The following UGT2B7 variants were observed in gnomAD, a reference collection of about 807,000 sequenced individuals.
UGT2B7 encodes the protein UDP glucuronosyltransferase family 2 member B7, also known as UDP-glucuronosyltransferase 2B7.
UGT2B7 carries 51 observed loss-of-function variants against 51.9 expected under a neutral mutation model. The observed-to-expected ratio is 0.98, with a 90% CI of 0.78 to 1.24. UGT2B7 has a LOEUF of 1.24. Ranked by LOEUF, UGT2B7 falls within the 50% of genes most tolerant of loss-of-function variation. UGT2B7 has a pLI of 0.00. For synonymous variants in UGT2B7, 225 were observed against 211.6 expected, an observed-to-expected ratio of 1.06 and a Z score of -0.55; for missense variants, 727 against 628.4, an observed-to-expected ratio of 1.16 and a Z score of -1.68.
intron 1 of UGT2B7, among the ~76,000 whole-genome samples, chr4:69,085,651 A>G (rs1718936726): frequency 6.6e-6 from 1 of 151,794 alleles, no homozygotes; most frequent in Non-Finnish European, 1.5e-5. Context: ...CTATCAGTTC[A>G]TGGTTTTTTG....
At position 69,108,284 on chromosome 4, in the gene UGT2B7, C is replaced by T. The variant is rs1719673119; in HGVS notation, c.1272C>T (p.Asp424=). ...RVDFNTMSST[D]LLNALKRVIN... ...ACTTCAACACAATGTCGAGTACAGA[C>T]TTGCTGAATGCATTGAAGAGAGTAA... is the stretch of plus-strand genomic sequence containing the variant. Residue 424 remains aspartate (D), a synonymous_variant, in exon 5 of 6, where the codon GAC becomes GAT. Transcript: ENST00000305231. 6.2e-7 allele frequency: 1 copy of T among 1,613,448 alleles called. No homozygotes were observed. Among genetic ancestry groups the T allele is most frequent in the Non-Finnish European group, 8.5e-7 (1 of 1,179,612 alleles).
At chr4:69,081,669 C>T (rs1424186572) in intron 1 of UGT2B7, among the ~76,000 whole-genome samples, 3 of 152,198 alleles carry the variant, frequency 2.0e-5, no homozygotes, top group South Asian at 4.1e-4. Flanking sequence ...CCTTTAGCCA[C>T]TCTGTCTAGA....
chr4:69,096,669 G>T lies in UGT2B7; in HGVS notation c.149G>T (p.Gly50Val). The change falls in exon 1 of 6, where the codon GGT (glycine) becomes GTT (valine). Residue 50 changes from glycine (G) to valine (V), a missense_variant. Transcript: ENST00000305231. ...KTILDELIQR[G>V]HEVTVLASSA... is the part of the protein sequence containing the mutation. ...ATCCTGGATGAGCTTATTCAGAGAG[G>T]TCATGAGGTGACTGTACTGGCATCT... 2 of 1,614,000 alleles carry T rather than the reference G, an allele frequency of 1.2e-6. No individual in the cohort carries two copies. Among genetic ancestry groups the T allele is most frequent in the Non-Finnish European group, 1.7e-6 (2 of 1,179,934 alleles).
At chr4:69,100,350 C>A (rs966697827) in intron 2 of UGT2B7, among the ~76,000 whole-genome samples, 1 of 151,872 alleles carries the variant, frequency 6.6e-6, no homozygotes, top group Non-Finnish European at 1.5e-5. Context: ...TGAAGGAACA[C>A]AATAAACTCA....
chr4:69,087,586 A>T (rs548927502), intron 1 of UGT2B7, among the ~76,000 whole-genome samples: 12 of 151,948 alleles, frequency 7.9e-5, no homozygotes, highest in African/African-American at 2.9e-4. Flanking sequence ...CTTTCCAATA[A>T]AACAATTCTC....
Position 69,112,648 on chromosome 4 carries a change from T to A in UGT2B7, c.1502T>A (p.Val501Glu). Residue 501 changes from valine (V) to glutamate (E), a missense_variant, in exon 6 of 6, where the codon GTG becomes GAG. Transcript: ENST00000305231. ...GTGATTGGGTTCCTGCTGGTCTGTG[T>A]GGCAACTGTGATATTTATCGTCACA... ...LDVIGFLLVC[V>E]ATVIFIVTKC... 1 of 1,613,960 alleles carries A rather than the reference T, an allele frequency of 6.2e-7. No homozygotes were observed. Among genetic ancestry groups the A allele is most frequent in the Non-Finnish European group, 8.5e-7 (1 of 1,179,876 alleles).
At chr4:69,103,424 T>A (rs1719491794) in intron 3 of UGT2B7, among the ~76,000 whole-genome samples, 1 of 152,084 alleles carries the variant, frequency 6.6e-6, no homozygotes, top group Non-Finnish European at 1.5e-5. Flanking sequence ...TTAGCATCAG[T>A]GGGAACTCAG....
rs1300063360 is a variant in UGT2B7 at position 69,097,447 on chromosome 4, C to T, written c.721+206C>T. ...GTTAAAACCCTGTGGCCATCACTCA[C>T]ACAGAACACCCCAGGAAATCATAAA... On this transcript the variant is annotated intron_variant, in intron 1 of 5. Transcript: ENST00000305231. Among the ~76,000 whole-genome samples the T allele has an allele frequency of 6.6e-6, 1 of 152,062 alleles. No homozygotes were observed. Among genetic ancestry groups the T allele is most frequent in the Non-Finnish European group, 1.5e-5 (1 of 67,972 alleles).
intron 5 of UGT2B7, 50 bp from the exon 6 acceptor site, chr4:69,112,407 T>A: frequency 6.3e-7 from 1 of 1,576,890 alleles, no homozygotes; most frequent in East Asian, 2.2e-5. Flanking sequence ...CTGAGGGGTT[T>A]TGTCTGTAAC....
At chr4:69,082,571 C>G (rs1387268030) in intron 1 of UGT2B7, among the ~76,000 whole-genome samples, 3 of 151,974 alleles carry the variant, frequency 2.0e-5, no homozygotes, top group Admixed American at 6.6e-5. Context: ...TAATCCAGAG[C>G]AAGACCCTAC....
At chr4:69,064,241 G>C (rs528147205) in intron 1 of UGT2B7, among the ~76,000 whole-genome samples, 3 of 152,286 alleles carry the variant, frequency 2.0e-5, no homozygotes, top group East Asian at 3.9e-4. Flanking sequence ...TGATACTACT[G>C]TCTAAAAAGC....
intron 2 of UGT2B7, 128 bp downstream of exon 2, chr4:69,098,816 T>G: frequency 1.4e-6 from 2 of 1,477,590 alleles, no homozygotes; most frequent in Non-Finnish European, 1.8e-6. Flanking sequence ...GTAAAGCAGA[T>G]ACCAATTAGA....
chr4:69,087,116 GTCTC>G (rs1215477701), intron 1 of UGT2B7, among the ~76,000 whole-genome samples: 5 of 145,368 alleles, frequency 3.4e-5, no homozygotes, highest in East Asian at 2.0e-4. Context: ...CTCTCACTCT[GTCTC>G]TCTCTCTCTG....
chr4:69,097,265 A>G (rs376078129), intron 1 of UGT2B7, 24 bp downstream of exon 1: 3 of 1,595,436 alleles, frequency 1.9e-6, no homozygotes, highest in Non-Finnish European at 2.6e-6. Flanking sequence ...TCAATCAGTA[A>G]CATGAAGCTC....
At chr4:69,081,582 A>G (rs7680341) in intron 1 of UGT2B7, among the ~76,000 whole-genome samples, 27,336 of 152,076 alleles carry the variant, frequency 0.18, 2,785 homozygotes, top group Admixed American at 0.28. Flanking sequence ...AATCTCTGGT[A>G]TACAATTTAC....
At chr4:69,080,010 TTTTTTCCCTGTG>T (rs1718801078) in intron 1 of UGT2B7, among the ~76,000 whole-genome samples, 1 of 151,582 alleles carries the variant, frequency 6.6e-6, no homozygotes, top group Admixed American at 6.6e-5. Flanking sequence ...TTTTTTTGCA[TTTTTTCCCTGTG>T]AAGTGTCATT....
At chr4:69,074,297 T>C (rs1395603777) in intron 1 of UGT2B7, among the ~76,000 whole-genome samples, 1 of 151,910 alleles carries the variant, frequency 6.6e-6, no homozygotes, top group African/African-American at 2.4e-5. Flanking sequence ...GTTGTGATCA[T>C]ACCACTGCAC....
rs1015946745 is a variant in UGT2B7, at chr4:69,096,476, C to A, written c.-45C>A. The A allele has an allele frequency of 3.1e-6, 5 of 1,608,088 alleles. No homozygotes were observed. Among genetic ancestry groups the A allele is most frequent in the Admixed American group, 3.4e-5 (2 of 58,238 alleles). ...CTTTGGACATAACCATGAGAAATGACAGAAAGGAACAGCAACTGGAAAACA... is the reference window on the plus strand; with the variant it reads ...CTTTGGACATAACCATGAGAAATGAAAGAAAGGAACAGCAACTGGAAAACA... On this transcript the variant is annotated 5_prime_UTR_variant, in exon 1 of 6. Transcript: ENST00000305231.
Position 69,097,170 on chromosome 4 carries a change from T to C in UGT2B7, c.650T>C (p.Val217Ala). 1.2e-6 allele frequency: 2 copies of C among 1,613,220 alleles called. No homozygotes were observed. The highest frequency in any genetic ancestry group is 1.7e-6 in the Non-Finnish European group (2 of 1,179,506). ...FMERVKNMIY[V>A]LYFDFWFEIF... ...GAGAGGGTAAAAAATATGATCTATG[T>C]GCTTTACTTTGACTTTTGGTTCGAA... is the stretch of plus-strand genomic sequence containing the variant. The change falls in exon 1 of 6, where the codon GTG becomes GCG. Residue 217 changes from valine (V) to alanine (A), a missense_variant. Physicochemically the swap from Val to Ala is moderately conservative, Grantham distance 64. Transcript: ENST00000305231.
Sources: allele counts gnomAD v4.1 joint callset (sites outside exome capture counted in the v4.1 genomes callset), GRCh38; gene constraint gnomAD v4.1.1; transcripts MANE v1.5; gene names NCBI Gene and HGNC (gene_info 2026-07-23, HGNC 2026-07-21).